CFTR: variants seen among roughly 807,000 people sequenced by gnomAD.
The protein encoded by CFTR is CF transmembrane conductance regulator, also known as cystic fibrosis transmembrane conductance regulator.
Under a neutral mutation model 171.6 loss-of-function variants are expected in CFTR, and 181 were observed. That is an observed-to-expected ratio of 1.05 (90% CI 0.93 to 1.19). The LOEUF (loss-of-function observed/expected upper bound fraction) is 1.19. Ranked by LOEUF, CFTR falls within the 50% of genes most tolerant of loss-of-function variation. The pLI is 0.00. For synonymous variants in CFTR, 583 were observed against 608.0 expected (o/e 0.96, Z 0.60); for missense variants, 1,968 against 1,734.7 (o/e 1.13, Z -2.39).
chr7:117,505,335 A>G (rs961496932), intron 2 of CFTR, among the ~76,000 whole-genome samples: 1 of 151,978 alleles, frequency 6.6e-6, no homozygotes, highest in African/African-American at 2.4e-5. Flanking sequence ...AGTGACAGAA[A>G]CCCAATTTAC....
At chr7:117,653,546 A>G (rs2116197250) in intron 24 of CFTR, among the ~76,000 whole-genome samples, 1 of 152,068 alleles carries the variant, frequency 6.6e-6, no homozygotes, top group African/African-American at 2.4e-5. Flanking sequence ...TCATGACCTA[A>G]TCACCTCCCA....
In CFTR at chr7:117,535,315, G is replaced by C; in HGVS notation, c.647G>C (p.Trp216Ser). 3.7e-6 allele frequency: 6 copies of C among 1,614,062 alleles called. No individual in the cohort carries two copies. The highest frequency in any genetic ancestry group is 5.1e-6 in the Non-Finnish European group (6 of 1,179,982). Reference protein sequence around the residue: ...LQVALLMGLIWELLQASAFCG... With the variant: ...LQVALLMGLISELLQASAFCG... ...GTGGCACTCCTCATGGGGCTAATCT[G>C]GGAGTTGTTACAGGCGTCTGCCTTC... Residue 216 changes from tryptophan to serine, a missense_variant, in exon 6 of 27, where the codon TGG becomes TCG. Transcript: ENST00000003084.
intron 1 of CFTR, among the ~76,000 whole-genome samples, chr7:117,496,197 T>C (rs1329216968): frequency 1.3e-5 from 2 of 152,136 alleles, no homozygotes; most frequent in African/African-American, 4.8e-5. Context: ...CGTGTATCAG[T>C]GCATCATTCT....
chr7:117,535,196 TA>T, intron 5 of CFTR, 51 bp from the exon 6 acceptor site: 1 of 1,584,144 alleles, frequency 6.3e-7, no homozygotes, highest in Non-Finnish European at 8.7e-7. Context: ...TGTTAGTTTC[TA>T]GGGGTGGAAG....
At chr7:117,634,201 C>A (rs1001460189) in intron 22 of CFTR, among the ~76,000 whole-genome samples, 6 of 151,942 alleles carry the variant, frequency 3.9e-5, no homozygotes, top group Non-Finnish European at 7.4e-5. Context: ...TTTTCTCATG[C>A]GAGTTTTAGC....
In CFTR at chr7:117,590,407, A is replaced by G. The variant is rs201025424; in HGVS notation, c.1734A>G (p.Leu578=). Residue 578 remains leucine, a synonymous_variant, in exon 13 of 27, where the codon CTA becomes CTG. Coordinates refer to ENST00000003084, the MANE Select transcript of CFTR (RefSeq NM_000492.4). ...LYLLDSPFGY[L]DVLTEKEIFE... ...TATTAGACTCTCCTTTTGGATACCT[A>G]GATGTTTTAACAGAAAAAGAAATAT... 2.7e-5 allele frequency: 43 copies of G among 1,603,098 alleles called. No homozygotes were observed. The highest frequency in any genetic ancestry group is 3.6e-5 in the Non-Finnish European group (42 of 1,172,242).
chr7:117,601,479 G>A (rs1463956419), intron 15 of CFTR, among the ~76,000 whole-genome samples: 18 of 152,028 alleles, frequency 1.2e-4, no homozygotes, highest in Non-Finnish European at 1.8e-4. Context: ...ACTTCCTAAT[G>A]TAATTTCTTA....
chr7:117,594,891 G>C (rs1306641328), intron 14 of CFTR, 39 bp from the exon 15 acceptor site: 1 of 1,601,172 alleles, frequency 6.2e-7, no homozygotes, highest in Admixed American at 1.7e-5. Context: ...GCATGAAACT[G>C]TACTGTCTTA....
At chr7:117,561,919 G>A (rs751821559) in intron 11 of CFTR, among the ~76,000 whole-genome samples, 14 of 152,108 alleles carry the variant, frequency 9.2e-5, no homozygotes, top group Admixed American at 3.9e-4. Context: ...AATTCTAAGG[G>A]TGACAAGAAT....
At chr7:117,601,991 A>G (rs899852894) in intron 15 of CFTR, among the ~76,000 whole-genome samples, 13 of 152,154 alleles carry the variant, frequency 8.5e-5, no homozygotes, top group African/African-American at 2.7e-4. Flanking sequence ...TTTAACCTGA[A>G]TGTACCTTAT....
chr7:117,591,424 G>T (rs1159613669), intron 13 of CFTR, among the ~76,000 whole-genome samples: 1 of 151,928 alleles, frequency 6.6e-6, no homozygotes, highest in Admixed American at 6.5e-5. Flanking sequence ...ATTCTCAGTT[G>T]TTATTATTGC....
chr7:117,604,143 T>C (rs1316501517), intron 17 of CFTR, among the ~76,000 whole-genome samples: 2 of 151,892 alleles, frequency 1.3e-5, no homozygotes. Flanking sequence ...GGCAGGAGAT[T>C]TGAAGTGATC....
At chr7:117,553,589 G>C (rs983836696) in intron 10 of CFTR, among the ~76,000 whole-genome samples, 8 of 152,064 alleles carry the variant, frequency 5.3e-5, no homozygotes, top group Non-Finnish European at 1.0e-4. Context: ...AATTTAAAAA[G>C]TTTCTCATCT....
chr7:117,549,620 A>C (rs993089146), intron 10 of CFTR, among the ~76,000 whole-genome samples: 10 of 152,210 alleles, frequency 6.6e-5, no homozygotes, highest in African/African-American at 2.2e-4. Context: ...GAATGGGCTA[A>C]AGGGCAATAG....
chr7:117,529,365 G>A (rs1432691200), intron 3 of CFTR, among the ~76,000 whole-genome samples: 1 of 107,582 alleles, frequency 9.3e-6, no homozygotes, highest in Admixed American at 1.0e-4. Context: ...GGGGACTGTG[G>A]TGGGGTCGGG....
intron 15 of CFTR, among the ~76,000 whole-genome samples, chr7:117,598,458 A>T (rs1373062101): frequency 6.6e-6 from 1 of 152,224 alleles, no homozygotes; most frequent in Non-Finnish European, 1.5e-5. Context: ...TGCTAACCTC[A>T]ATTAAGAAGG....
chr7:117,504,449 T>A, intron 2 of CFTR, 86 bp downstream of exon 2: 1 of 774,756 alleles, frequency 1.3e-6, no homozygotes, highest in Non-Finnish European at 2.2e-6. Flanking sequence ...ATTATAAGTT[T>A]AATTCTTATA....
At chr7:117,546,274 G>A (rs1218154420) in intron 9 of CFTR, among the ~76,000 whole-genome samples, 1 of 151,946 alleles carries the variant, frequency 6.6e-6, no homozygotes, top group African/African-American at 2.4e-5. Flanking sequence ...TTACAGGTGT[G>A]AGCCACCACG....
chr7:117,621,238 G>A (rs1035327978), intron 21 of CFTR, among the ~76,000 whole-genome samples: 4 of 152,192 alleles, frequency 2.6e-5, no homozygotes, highest in Non-Finnish European at 5.9e-5. Flanking sequence ...GGTGATTCTA[G>A]CGTGTATCAA....
Sources: allele counts gnomAD v4.1 joint callset (sites outside exome capture counted in the v4.1 genomes callset), GRCh38; gene constraint gnomAD v4.1.1; transcripts MANE v1.5; gene names NCBI Gene and HGNC (gene_info 2026-07-23, HGNC 2026-07-21).